SLC2A8: variants seen among roughly 807,000 people sequenced by gnomAD.
The protein encoded by SLC2A8 is solute carrier family 2 member 8, also known as solute carrier family 2, facilitated glucose transporter member 8.
Under a neutral mutation model 49.2 loss-of-function variants are expected in SLC2A8, and 53 were observed. That is an observed-to-expected ratio of 1.08 (90% CI 0.86 to 1.35). SLC2A8 has a LOEUF of 1.35. Ranked by LOEUF, SLC2A8 falls within the 40% of genes most tolerant of loss-of-function variation. The pLI is 0.00. For missense variants in SLC2A8, 688 were observed against 671.7 expected (o/e 1.02, Z -0.27); for synonymous variants, 299 against 297.0 (o/e 1.01, Z -0.07).
chr9:127,400,280 C>A (rs1333916675), intron 4 of SLC2A8, among the ~76,000 whole-genome samples: 1 of 151,250 alleles, frequency 6.6e-6, no homozygotes, highest in Non-Finnish European at 1.5e-5. Flanking sequence ...GTCTCAGCTT[C>A]CCAAGTAGCT....
At position 127,407,879 on chromosome 9, in the gene SLC2A8, C is replaced by CAAAAAAAAAA. The variant is rs1833544015; in HGVS notation, c.*634_*635insAAAAAAAAAA. 2.3e-5 allele frequency: 2 copies of CAAAAAAAAAA among 85,624 alleles called. No homozygotes were observed. The highest frequency in any genetic ancestry group is 1.9e-4 in the Admixed American group (2 of 10,410). 5.3% of individuals were successfully genotyped at this position (85,624 alleles called of 1,614,324 possible). The stretch of plus-strand genomic sequence containing the variant: ...TTAAAAAATAAACAGCAAAAAAAAA[C>CAAAAAAAAAA]AAAACAAAACAAAAAAAAACACCTT... On this transcript the variant is annotated 3_prime_UTR_variant, in exon 10 of 10. Coordinates refer to ENST00000373371, the MANE Select transcript of SLC2A8 (RefSeq NM_014580.5).
chr9:127,402,522 C>T, intron 4 of SLC2A8, 35 bp from the exon 5 acceptor site: 8 of 1,483,086 alleles, frequency 5.4e-6, no homozygotes, highest in Non-Finnish European at 7.2e-6. Flanking sequence ...CTCACCCTGG[C>T]TCTGACGCCA....
chr9:127,401,859 G>A (rs901097851), intron 4 of SLC2A8, among the ~76,000 whole-genome samples: 1 of 152,288 alleles, frequency 6.6e-6, no homozygotes, highest in Admixed American at 6.5e-5. Flanking sequence ...ACCAGGGATG[G>A]GTAAGCCTTG....
chr9:127,397,764 G>C (rs536387992), intron 2 of SLC2A8, 141 bp from the exon 3 acceptor site: 3 of 1,072,458 alleles, frequency 2.8e-6, no homozygotes, highest in Non-Finnish European at 3.8e-6. Context: ...GACGAGCACC[G>C]GGCCCCTCAG....
Position 127,398,129 on chromosome 9 carries a change from C to T in SLC2A8, c.426+18C>T. The T allele has an allele frequency of 1.3e-6, 2 of 1,566,714 alleles. No individual in the cohort carries two copies. The highest frequency in any genetic ancestry group is 1.7e-6 in the Non-Finnish European group (2 of 1,158,606). ...TGGCCCCGGTGAGTGTCCCGTCTCTCGAGTGTCCTGTCTCGCGGCCTGAGA... is the reference window on the plus strand; with the variant it reads ...TGGCCCCGGTGAGTGTCCCGTCTCTTGAGTGTCCTGTCTCGCGGCCTGAGA... On this transcript the variant is annotated intron_variant, in intron 3 of 9. Transcript: ENST00000373371.
rs1833436702 is a variant in SLC2A8 at position 127,404,966 on chromosome 9, G to A, written c.1125G>A (p.Val375=). 1.2e-6 allele frequency: 2 copies of A among 1,607,908 alleles called. No individual in the cohort carries two copies. The highest frequency in any genetic ancestry group is 1.7e-5 in the Admixed American group (1 of 59,944). The change falls in exon 8 of 10, where the codon GTG becomes GTA. Residue 375 remains valine (V), a synonymous_variant. Coordinates refer to ENST00000373371, the MANE Select transcript of SLC2A8 (RefSeq NM_014580.5). Reference sequence around the variant, plus strand: ...GCGTGGGGCTGGCCTGGCTGGCCGTGGGCAGCATGTGCCTCTTCATCGCCG... The same window carrying A: ...GCGTGGGGCTGGCCTGGCTGGCCGTAGGCAGCATGTGCCTCTTCATCGCCG... The part of the protein sequence containing the change: ...DASVGLAWLA[V]GSMCLFIAGF...
chr9:127,405,560 C>G lies in SLC2A8; in HGVS notation c.1291C>G (p.Leu431Val), dbSNP rs767442036. The change falls in exon 9 of 10, where the codon CTC (leucine) becomes GTC (valine). Residue 431 changes from leucine to valine, a missense_variant. By Grantham distance (32) the Leu-to-Val change is conservative (BLOSUM62 1). Transcript: ENST00000373371. Reference protein sequence around the residue: ...AFLVTKEFSSLMEVLRPYGAF... With the variant: ...AFLVTKEFSSVMEVLRPYGAF... ...TCTCGTGACCAAGGAGTTCAGCAGC[C>G]TCATGGTGAGGGCAGGCTCCACCAG... 2 of 1,613,146 alleles carry G rather than the reference C, an allele frequency of 1.2e-6. No homozygotes were observed. Among genetic ancestry groups the G allele is most frequent in the South Asian group, 2.2e-5 (2 of 91,088 alleles).
At chr9:127,407,022 G>A (rs4075850) in intron 9 of SLC2A8, 90 bp from the exon 10 acceptor site, 533,095 of 1,475,494 alleles carry the variant, frequency 0.36, 99,380 homozygotes, top group Middle Eastern at 0.45. Context: ...TCAGGGGACT[G>A]GACCCCCTGG....
In SLC2A8 at chr9:127,397,548, C is replaced by A; in HGVS notation, c.219+10C>A. On this transcript the variant is annotated intron_variant, in intron 2 of 9. Coordinates refer to ENST00000373371, the MANE Select transcript of SLC2A8 (RefSeq NM_014580.5). ...CGCCTCCTGGTTCGGGGTGAGGCCC[C>A]GGGCTCGCTCCTCCCGCCCTGGGAC... 1 of 1,400,518 alleles carries A rather than the reference C, an allele frequency of 7.1e-7. No homozygotes were observed. The highest frequency in any genetic ancestry group is 3.0e-5 in the East Asian group (1 of 33,638). 86.8% of individuals were successfully genotyped at this position (1,400,518 alleles called of 1,614,324 possible). A position where few individuals can be genotyped will look rare whatever the true frequency, so the allele number is the denominator to read the frequency against.
chr9:127,401,695 T>C (rs1408378826), intron 4 of SLC2A8, among the ~76,000 whole-genome samples: 1 of 152,208 alleles, frequency 6.6e-6, no homozygotes, highest in Non-Finnish European at 1.5e-5. Flanking sequence ...TGAACTCTGA[T>C]AACTCCACAA....
rs1833186759 is a variant in SLC2A8, at chr9:127,399,481, TAAC to T, written c.427-425_427-423del. On this transcript the variant is annotated intron_variant, in intron 3 of 9. Transcript: ENST00000373371. The surrounding 1 kb of genome is among the most constrained non-coding windows in gnomAD (Gnocchi z 4.2). Reference sequence around the variant, plus strand: ...CACTAAGGGGCTTCAGGGCCTGCCGTAACCCCCTGCAAGGACTTTCCTCAGCTC... The same window carrying T: ...CACTAAGGGGCTTCAGGGCCTGCCGTCCCCTGCAAGGACTTTCCTCAGCTC... 6.6e-6 allele frequency among the ~76,000 whole-genome samples: 1 copy of T among 151,980 alleles called. No individual in the cohort carries two copies. Among genetic ancestry groups the T allele is most frequent in the African/African-American group, 2.4e-5 (1 of 41,362 alleles).
chr9:127,401,457 C>A (rs1833287946), intron 4 of SLC2A8, among the ~76,000 whole-genome samples: 2 of 152,240 alleles, frequency 1.3e-5, no homozygotes, highest in Admixed American at 1.3e-4. Context: ...TTTTTACCCA[C>A]TTAACCACCC....
At position 127,402,600 on chromosome 9, in the gene SLC2A8, G is replaced by A; in HGVS notation, c.570G>A (p.Val190=). Reference sequence around the variant, plus strand: ...GCTGGCTGGCTGTGCTGGGCTGCGTGCCCCCCTCCCTCATGCTGCTTCTCA... The same window carrying A: ...GCTGGCTGGCTGTGCTGGGCTGCGTACCCCCCTCCCTCATGCTGCTTCTCA... ...EWRWLAVLGC[V]PPSLMLLLMC... is the part of the protein sequence containing the mutation. Residue 190 remains valine, a synonymous_variant, in exon 5 of 10, where the codon GTG becomes GTA. Coordinates refer to ENST00000373371, the MANE Select transcript of SLC2A8 (RefSeq NM_014580.5). The A allele has an allele frequency of 6.3e-7, 1 of 1,593,340 alleles. No individual in the cohort carries two copies. The highest frequency in any genetic ancestry group is 1.1e-5 in the South Asian group (1 of 88,100).
rs878996188 is a variant in SLC2A8, at chr9:127,398,296, C to T, written c.426+185C>T. The stretch of plus-strand genomic sequence containing the variant: ...CCTGGGAAGGATCCTACTGTTCTCT[C>T]CATTTTACACTGAGGTCATGACATG... On this transcript the variant is annotated intron_variant, in intron 3 of 9. Coordinates refer to ENST00000373371, the MANE Select transcript of SLC2A8 (RefSeq NM_014580.5). 4 of 789,580 alleles carry T rather than the reference C, an allele frequency of 5.1e-6. No individual in the cohort carries two copies. In the Admixed American group the frequency reaches 5.1e-5, roughly 10 times the overall value. The allele number at this position is 789,580 out of a possible 1,614,324, so 48.9% of individuals were successfully genotyped here.
intron 3 of SLC2A8, 83 bp downstream of exon 3, chr9:127,398,194 G>A (rs907676854): frequency 7.7e-6 from 11 of 1,431,574 alleles, no homozygotes; most frequent in East Asian, 2.3e-5. Flanking sequence ...AGGCCTGGGG[G>A]CGCGGCTCCC....
intron 9 of SLC2A8, chr9:127,405,956 T>C (rs1833477260): frequency 1.9e-6 from 1 of 531,998 alleles, no homozygotes; most frequent in South Asian, 1.4e-5. Flanking sequence ...CTGAGCCCGC[T>C]TCTTTGGCTG....
chr9:127,405,669 G>A (rs1833469003), intron 9 of SLC2A8, 104 bp downstream of exon 9: 1 of 1,441,762 alleles, frequency 6.9e-7, no homozygotes, highest in African/African-American at 1.4e-5. Flanking sequence ...CTTACATGCA[G>A]CCTGAGCCCC....
Position 127,397,487 on chromosome 9 carries a change from C to A in SLC2A8, c.168C>A (p.Arg56=). 6.8e-7 allele frequency: 1 copy of A among 1,465,004 alleles called. No individual in the cohort carries two copies. Among genetic ancestry groups the A allele is most frequent in the South Asian group, 1.3e-5 (1 of 75,902 alleles). The allele number at this position is 1,465,004 out of a possible 1,614,324, so 90.8% of individuals were successfully genotyped here. Reference sequence around the variant, plus strand: ...CCCCGGCCATCCCTAGCCTGCAGCGCGCCGCGCCCCCGGCCCCGCGCCTGG... The same window carrying A: ...CCCCGGCCATCCCTAGCCTGCAGCGAGCCGCGCCCCCGGCCCCGCGCCTGG... ...YSSPAIPSLQ[R]AAPPAPRLDD... Residue 56 remains arginine (R), a synonymous_variant, in exon 2 of 10, where the codon CGC becomes CGA. Transcript: ENST00000373371.
In SLC2A8 at chr9:127,397,185, T is replaced by C. The variant is rs1833049548; in HGVS notation, c.-46T>C. On this transcript the variant is annotated 5_prime_UTR_variant, in exon 1 of 10. Coordinates refer to ENST00000373371, the MANE Select transcript of SLC2A8 (RefSeq NM_014580.5). ...GTGCGGGCCGCACTCGCAGGGCCCG[T>C]GGCGGTTCAGGCGCCAGAGCTGGCC... 3 of 1,442,036 alleles carry C rather than the reference T, an allele frequency of 2.1e-6. No homozygotes were observed. Among genetic ancestry groups the C allele is most frequent in the South Asian group, 1.4e-5 (1 of 72,988 alleles). 89.3% of individuals were successfully genotyped at this position (1,442,036 alleles called of 1,614,324 possible).
Sources: gnomAD v4.1 joint callset for allele counts (sites outside exome capture counted in the v4.1 genomes callset) on GRCh38, gnomAD v4.1.1 for gene constraint, Gnocchi (gnomAD v3.1) non-coding constraint, MANE v1.5 for transcripts, NCBI Gene and HGNC (gene_info 2026-07-23, HGNC 2026-07-21) for gene names.